Variants in LAMB3 observed in about 807,000 individuals in gnomAD.
The protein encoded by LAMB3 is laminin subunit beta 3, also known as laminin subunit beta-3.
A neutral mutation model predicts 140.3 loss-of-function variants in LAMB3; 104 were observed. The ratio of observed to expected loss-of-function variants is 0.74; its 90% confidence interval spans 0.63 to 0.87. The LOEUF (loss-of-function observed/expected upper bound fraction) is 0.87. Ranked by LOEUF, LAMB3 falls within the 40% of genes least tolerant of loss-of-function variation. LAMB3 has a pLI of 0.00. For synonymous variants in LAMB3, 592 were observed against 602.9 expected (o/e 0.98, Z 0.26); for missense variants, 1,531 against 1,575.2 (o/e 0.97, Z 0.47).
Position 209,626,900 on chromosome 1 carries a change from G to A in LAMB3, c.1564C>T (p.Arg522Trp), listed in dbSNP as rs775608853. The change falls in exon 13 of 23, where the codon CGG (arginine) becomes TGG (tryptophan). Residue 522 changes from arginine to tryptophan, a missense_variant. Physicochemically the swap from Arg to Trp is moderately radical, Grantham distance 101. Transcript: ENST00000356082. ...SAAAIRQCPD[R>W]TYGDVATGCR... ...CCTGTGGCCACGTCTCCATAGGTCC[G>A]GTCTGGACACTGGCGGATGGCTGCA... The A allele has an allele frequency of 1.4e-5, 23 of 1,613,876 alleles. No homozygotes were observed. The highest frequency in any genetic ancestry group is 6.7e-5 in the Admixed American group (4 of 60,032).
At position 209,650,796 on chromosome 1, in the gene LAMB3, C is replaced by A. The variant is rs1390078170; in HGVS notation, c.28+121G>T. ...CAGGTGTCCCCAGTAGACAAGTATT[C>A]CCAACTGAAGGGACTACAGGTGACA... On this transcript the variant is annotated intron_variant, in intron 2 of 22. Transcript: ENST00000356082. 1.7e-5 allele frequency: 16 copies of A among 947,134 alleles called. No individual in the cohort carries two copies. The East Asian group carries it at 3.6e-4, about 21-fold the overall frequency. The allele number at this position is 947,134 out of a possible 1,614,324, so 58.7% of individuals were successfully genotyped here. A position where few individuals can be genotyped will look rare whatever the true frequency, so the allele number is the denominator to read the frequency against.
At chr1:209,632,884 C>T in intron 7 of LAMB3, 108 bp from the exon 8 acceptor site, 2 of 1,172,522 alleles carry the variant, frequency 1.7e-6, no homozygotes, top group Middle Eastern at 1.9e-4. Flanking sequence ...GGGCCATCCT[C>T]TCCAGACCTC....
intron 8 of LAMB3, among the ~76,000 whole-genome samples, chr1:209,632,094 T>C (rs1172518302): frequency 6.6e-6 from 1 of 152,212 alleles, no homozygotes; most frequent in Non-Finnish European, 1.5e-5. Context: ...TGGTCTAGGG[T>C]AGACTTAGCA....
intron 18 of LAMB3, among the ~76,000 whole-genome samples, chr1:209,619,099 G>T (rs1057255820): frequency 1.3e-5 from 2 of 152,188 alleles, no homozygotes; most frequent in African/African-American, 4.8e-5. Context: ...AGGCAAGATT[G>T]CTCATTTGTG....
In LAMB3 at chr1:209,630,644, G is replaced by C. The variant is rs756331697; in HGVS notation, c.914C>G (p.Ala305Gly). Residue 305 changes from alanine to glycine, a missense_variant, in exon 9 of 23, where the codon GCG becomes GGG. Coordinates refer to ENST00000356082, the MANE Select transcript of LAMB3 (RefSeq NM_000228.3). Reference protein sequence around the residue: ...PFYNNRPWRPAEGQDAHECQR... With the variant: ...PFYNNRPWRPGEGQDAHECQR... ...GCATTCATGGGCGTCCTGGCCCTCC[G>C]CCGGTCTCCAGGGCCGGTTGTTGTA... 6.2e-7 allele frequency: 1 copy of C among 1,614,106 alleles called. No homozygotes were observed. The highest frequency in any genetic ancestry group is 1.7e-5 in the Admixed American group (1 of 60,026).
intron 10 of LAMB3, among the ~76,000 whole-genome samples, chr1:209,628,826 A>G (rs1466125042): frequency 1.3e-5 from 2 of 152,230 alleles, no homozygotes; most frequent in Non-Finnish European, 2.9e-5. Context: ...CTCTGTGCCA[A>G]CCACTGAACT....
In LAMB3 at chr1:209,623,926, C is replaced by T. The variant is rs768930489; in HGVS notation, c.2051G>A (p.Ser684Asn). 5.0e-6 allele frequency: 8 copies of T among 1,614,198 alleles called. No homozygotes were observed. Among genetic ancestry groups the T allele is most frequent in the Non-Finnish European group, 6.8e-6 (8 of 1,180,018 alleles). ...ETLSLPRDLE[S>N]LDRSFNGLLT... The stretch of plus-strand genomic sequence containing the variant: ...GAGACCATTGAAGCTTCTGTCAAGA[C>T]TCTCCAGGTCTCTCGGAAGGGACAA... The change falls in exon 15 of 23, where the codon AGT (serine) becomes AAT (asparagine). Residue 684 changes from serine to asparagine, a missense_variant. Transcript: ENST00000356082. The surrounding 1 kb of genome is among the most constrained non-coding windows in gnomAD (Gnocchi z 4.2).
Position 209,638,528 on chromosome 1 carries a change from G to A in LAMB3, c.298+6C>T. The A allele has an allele frequency of 6.4e-7, 1 of 1,571,270 alleles. No individual in the cohort carries two copies. Among genetic ancestry groups the A allele is most frequent in the Non-Finnish European group, 8.8e-7 (1 of 1,140,418 alleles). ...GTTTGAGTTCCCGTAGATGGCAAATGCTCACCATTCTGTGACTGCCACCAG... is the reference window on the plus strand; with the variant it reads ...GTTTGAGTTCCCGTAGATGGCAAATACTCACCATTCTGTGACTGCCACCAG... On this transcript the variant is annotated splice_donor_region_variant and intron_variant, in intron 4 of 22. Coordinates refer to ENST00000356082, the MANE Select transcript of LAMB3 (RefSeq NM_000228.3).
chr1:209,626,153 A>C, intron 13 of LAMB3, 127 bp from the exon 14 acceptor site: 1 of 1,052,662 alleles, frequency 9.5e-7, no homozygotes, highest in Non-Finnish European at 1.3e-6. Flanking sequence ...CAGAAGTCGC[A>C]GCCAGAATAA....
At chr1:209,632,130 C>A (rs879653860) in intron 8 of LAMB3, among the ~76,000 whole-genome samples, 1 of 152,180 alleles carries the variant, frequency 6.6e-6, no homozygotes, top group Non-Finnish European at 1.5e-5. Context: ...GGTCTCTCAC[C>A]GTGCCCCATA....
At chr1:209,646,518 G>A (rs1239273183) in intron 3 of LAMB3, among the ~76,000 whole-genome samples, 1 of 152,220 alleles carries the variant, frequency 6.6e-6, no homozygotes, top group East Asian at 1.9e-4. Flanking sequence ...AGTCTGGGGT[G>A]ACTTCACTAA....
intron 10 of LAMB3, among the ~76,000 whole-genome samples, chr1:209,628,401 A>C (rs1313841113): frequency 1.3e-5 from 2 of 152,224 alleles, no homozygotes; most frequent in East Asian, 3.9e-4. Flanking sequence ...TCTTATGAGA[A>C]ATAAATTAGT....
At position 209,625,757 on chromosome 1, in the gene LAMB3, G is replaced by A. The variant is rs763369856; in HGVS notation, c.1867C>T (p.Arg623Trp). 21 of 1,613,998 alleles carry A rather than the reference G, an allele frequency of 1.3e-5. No homozygotes were observed. The highest frequency in any genetic ancestry group is 1.6e-4 in the Middle Eastern group (1 of 6,084). Residue 623 changes from arginine (R) to tryptophan (W), a missense_variant, in exon 14 of 23, where the codon CGG becomes TGG. Coordinates refer to ENST00000356082, the MANE Select transcript of LAMB3 (RefSeq NM_000228.3). Reference protein sequence around the residue: ...PGLEDRGLASRILDAKSKIEQ... With the variant: ...PGLEDRGLASWILDAKSKIEQ... ...ATCTTACTCTTTGCATCTAGGATCC[G>A]GGAGGCCAGGCCACGGTCCTCCAGC... is the stretch of plus-strand genomic sequence containing the variant.
intron 3 of LAMB3, 25 bp downstream of exon 3, chr1:209,649,939 T>C: frequency 6.2e-7 from 1 of 1,613,794 alleles, no homozygotes; most frequent in Non-Finnish European, 8.5e-7. Context: ...CCCGCCTTCC[T>C]CCAGTCCTGG....
intron 13 of LAMB3, 101 bp downstream of exon 13, chr1:209,626,766 A>G: frequency 1.2e-6 from 1 of 841,388 alleles, no homozygotes; most frequent in Non-Finnish European, 2.0e-6. Flanking sequence ...GCATCAGTAC[A>G]GGACATCCTG....
chr1:209,621,288 C>T (rs1204058264), intron 18 of LAMB3, among the ~76,000 whole-genome samples: 1 of 152,196 alleles, frequency 6.6e-6, no homozygotes, highest in African/African-American at 2.4e-5. Flanking sequence ...TGACCTCCCC[C>T]ATCATCCACG....
chr1:209,642,303 A>G (rs2076475862), intron 3 of LAMB3, among the ~76,000 whole-genome samples: 2 of 152,222 alleles, frequency 1.3e-5, no homozygotes, highest in South Asian at 2.1e-4. Context: ...AGTATTTGGA[A>G]GGAAATACAC....
At chr1:209,617,801 C>T (rs1268547251) in intron 20 of LAMB3, 106 bp downstream of exon 20, 5 of 1,464,380 alleles carry the variant, frequency 3.4e-6, no homozygotes, top group Non-Finnish European at 4.8e-6. Context: ...TCCTCTAGAA[C>T]TCCACCTCAG....
Position 209,626,013 on chromosome 1 carries a change from A to G in LAMB3, c.1611T>C (p.Asp537=), listed in dbSNP as rs756997937. 1 of 1,613,094 alleles carries G rather than the reference A, an allele frequency of 6.2e-7. No individual in the cohort carries two copies. Among genetic ancestry groups the G allele is most frequent in the Non-Finnish European group, 8.5e-7 (1 of 1,179,426 alleles). Reference sequence around the variant, plus strand: ...AGCCCGGGCCCTCTGTTCCCCGGAAATCACAGTCACAGGCTAGGGCCAAGA... The same window carrying G: ...AGCCCGGGCCCTCTGTTCCCCGGAAGTCACAGTCACAGGCTAGGGCCAAGA... The part of the protein sequence containing the change: ...VATGCRACDC[D]FRGTEGPGCD... The change falls in exon 14 of 23, where the codon GAT becomes GAC. Residue 537 remains aspartate, a synonymous_variant. Coordinates refer to ENST00000356082, the MANE Select transcript of LAMB3 (RefSeq NM_000228.3).
Sources: gnomAD v4.1 joint callset for allele counts (sites outside exome capture counted in the v4.1 genomes callset) on GRCh38, gnomAD v4.1.1 for gene constraint, Gnocchi (gnomAD v3.1) non-coding constraint, MANE v1.5 for transcripts, NCBI Gene and HGNC (gene_info 2026-07-23, HGNC 2026-07-21) for gene names.